Variants in ASS1 observed in about 807,000 individuals in gnomAD.
ASS1 encodes the protein argininosuccinate synthase.
A neutral mutation model predicts 60.5 loss-of-function variants in ASS1; 58 were observed. The observed-to-expected ratio is 0.96, with a 90% CI of 0.78 to 1.19. The LOEUF is 1.19. Among genes scored for constraint, ASS1 ranks in the 50% most tolerant of loss-of-function variants. The probability of loss-of-function intolerance (pLI) is 0.00; values close to 1 mark genes in which losing one functional copy is unlikely to be tolerated. For synonymous variants in ASS1, 200 were observed against 206.9 expected (o/e 0.97, Z 0.29); for missense variants, 454 against 547.3 (o/e 0.83, Z 1.70).
intron 8 of ASS1, among the ~76,000 whole-genome samples, chr9:130,473,688 C>G (rs1048208518): frequency 2.6e-5 from 4 of 152,218 alleles, no homozygotes; most frequent in Non-Finnish European, 5.9e-5. Context: ...GTGCCCCTCC[C>G]CCTCTCCAAA....
intron 5 of ASS1, among the ~76,000 whole-genome samples, chr9:130,465,049 TATA>T (rs550640669): frequency 0.011 from 1,147 of 105,790 alleles, 7 homozygotes; most frequent in Middle Eastern, 0.044. Flanking sequence ...TATATATATA[TATA>T]TATATTTTTT....
chr9:130,468,225 G>C (rs1333711483), intron 6 of ASS1, among the ~76,000 whole-genome samples: 1 of 152,166 alleles, frequency 6.6e-6, no homozygotes, highest in African/African-American at 2.4e-5. Flanking sequence ...ATCTGAGATG[G>C]ATGACACAAA....
chr9:130,454,952 C>A (rs1232041828), intron 3 of ASS1, among the ~76,000 whole-genome samples: 4 of 150,932 alleles, frequency 2.7e-5, no homozygotes, highest in African/African-American at 9.8e-5. Context: ...CATCCATCAT[C>A]CATCTATCCA....
intron 9 of ASS1, among the ~76,000 whole-genome samples, chr9:130,479,221 C>T (rs1212039107): frequency 1.3e-5 from 2 of 152,038 alleles, no homozygotes; most frequent in East Asian, 1.9e-4. Flanking sequence ...CAGATGGCTG[C>T]GTGTGGGTCT....
intron 1 of ASS1, among the ~76,000 whole-genome samples, chr9:130,445,979 C>T (rs1845184930): frequency 6.6e-6 from 1 of 152,218 alleles, no homozygotes; most frequent in Non-Finnish European, 1.5e-5. Flanking sequence ...GGCCTTGGCT[C>T]AGCCTCCAGA....
intron 5 of ASS1, among the ~76,000 whole-genome samples, chr9:130,465,319 G>A (rs1200277872): frequency 1.3e-5 from 2 of 152,026 alleles, no homozygotes; most frequent in African/African-American, 4.8e-5. Context: ...GCACCCGGCT[G>A]TAGTAGCCAT....
At position 130,454,383 on chromosome 9, in the gene ASS1, G is replaced by T; in HGVS notation, c.174+10G>T. 6.2e-7 allele frequency: 1 copy of T among 1,612,870 alleles called. No individual in the cohort carries two copies. Among genetic ancestry groups the T allele is most frequent in the Non-Finnish European group, 8.5e-7 (1 of 1,179,336 alleles). ...GCTTGGGGCCAAAAAGGTACCAGGC[G>T]GGAGGCAGGGATTTGGGCTGGGAGT... On this transcript the variant is annotated intron_variant, in intron 3 of 14. Transcript: ENST00000352480.
Position 130,466,759 on chromosome 9 carries a change from A to C in ASS1, c.455A>C (p.Asn152Thr). 6.2e-7 allele frequency: 1 copy of C among 1,614,040 alleles called. No individual in the cohort carries two copies. The highest frequency in any genetic ancestry group is 8.5e-7 in the Non-Finnish European group (1 of 1,180,014). ...CCCTGGAGGATGCCTGAATTCTACA[A>C]CCGGTTCAAGGGCCGCAATGACCTG... ...IAPWRMPEFY[N>T]RFKGRNDLME... Residue 152 changes from asparagine to threonine, a missense_variant, in exon 6 of 15, where the codon AAC becomes ACC. Transcript: ENST00000352480.
intron 3 of ASS1, among the ~76,000 whole-genome samples, chr9:130,455,687 C>A (rs1346276397): frequency 6.6e-6 from 1 of 152,240 alleles, no homozygotes; most frequent in East Asian, 1.9e-4. Flanking sequence ...CACATGTGCT[C>A]ACTCCCCATG....
intron 12 of ASS1, among the ~76,000 whole-genome samples, chr9:130,492,365 A>G (rs1846470268): frequency 6.6e-6 from 1 of 152,152 alleles, no homozygotes; most frequent in African/African-American, 2.4e-5. Context: ...TGGCTTCCTC[A>G]GAGCCCTTGT....
rs748255721 is a variant in ASS1, at chr9:130,492,008, C to G, written c.970+2544C>G. 5.3e-4 allele frequency among the ~76,000 whole-genome samples: 80 copies of G among 152,146 alleles called. 4 individuals carry two copies. The highest frequency in any genetic ancestry group is 2.5e-4 in the Non-Finnish European group (17 of 68,022). On this transcript the variant is annotated intron_variant, in intron 12 of 14. Coordinates refer to ENST00000352480, the MANE Select transcript of ASS1 (RefSeq NM_054012.4). The stretch of plus-strand genomic sequence containing the variant: ...GATCATGTTACTTAACTTCCCTAGG[C>G]CTCAGTTTTCCCATCTGAAGAGTGG...
Position 130,494,011 on chromosome 9 carries a change from C to G in ASS1, c.971-856C>G, listed in dbSNP as rs965790393. Reference sequence around the variant, plus strand: ...TGGGCCAACACAAGTCAAATGGAGGCTCCCCACTTCCGGCCTGTGTGATCC... The same window carrying G: ...TGGGCCAACACAAGTCAAATGGAGGGTCCCCACTTCCGGCCTGTGTGATCC... On this transcript the variant is annotated intron_variant, in intron 12 of 14. Coordinates refer to ENST00000352480, the MANE Select transcript of ASS1 (RefSeq NM_054012.4). This position sits in a 1 kb window ranked among gnomAD's most constrained non-coding sequence, Gnocchi z 4.3. Among the ~76,000 whole-genome samples, 6 of 152,190 alleles carry G rather than the reference C, an allele frequency of 3.9e-5. No homozygotes were observed. Among genetic ancestry groups the G allele is most frequent in the Non-Finnish European group, 5.9e-5 (4 of 68,030 alleles).
intron 7 of ASS1, 72 bp from the exon 8 acceptor site, chr9:130,471,411 GGT>G: frequency 1.3e-6 from 2 of 1,551,520 alleles, no homozygotes. Flanking sequence ...GGCACAATGG[GGT>G]GTGTGTGTTG....
In ASS1 at chr9:130,470,580, T is replaced by C. The variant is rs192804075; in HGVS notation, c.496-254T>C. ...CTCAGTGCTTCAGGGGTCCTTGAGA[T>C]GTAGACTCAAAGTCTTCTGGAAGGA... is the stretch of plus-strand genomic sequence containing the variant. On this transcript the variant is annotated intron_variant, in intron 6 of 14. Coordinates refer to ENST00000352480, the MANE Select transcript of ASS1 (RefSeq NM_054012.4). The surrounding 1 kb of genome is among the most constrained non-coding windows in gnomAD (Gnocchi z 4.3). 1.2e-3 allele frequency among the ~76,000 whole-genome samples: 182 copies of C among 152,290 alleles called. No homozygotes were observed. Among genetic ancestry groups the C allele is most frequent in the African/African-American group, 4.2e-3 (175 of 41,574 alleles).
chr9:130,482,602 G>A (rs150113786), intron 11 of ASS1, among the ~76,000 whole-genome samples: 2 of 152,218 alleles, frequency 1.3e-5, no homozygotes, highest in African/African-American at 4.8e-5. Flanking sequence ...AAGCAGAGTT[G>A]AGCAAAAATG....
Position 130,478,962 on chromosome 9 carries a change from G to C in ASS1, c.689-754G>C, listed in dbSNP as rs747946286. 5.3e-5 allele frequency among the ~76,000 whole-genome samples: 8 copies of C among 152,186 alleles called. No individual in the cohort carries two copies. Among genetic ancestry groups the C allele is most frequent in the Non-Finnish European group, 1.2e-4 (8 of 68,036 alleles). On this transcript the variant is annotated intron_variant, in intron 9 of 14. Coordinates refer to ENST00000352480, the MANE Select transcript of ASS1 (RefSeq NM_054012.4). This position sits in a 1 kb window ranked among gnomAD's most constrained non-coding sequence, Gnocchi z 4.7. ...GGTAATGAGCCGGGCAGATGGGTGG[G>C]GGATTAGCCGCCAACTTTGAACAGC...
At chr9:130,480,697 T>C (rs772554772) in intron 11 of ASS1, among the ~76,000 whole-genome samples, 12 of 152,032 alleles carry the variant, frequency 7.9e-5, no homozygotes, top group Non-Finnish European at 1.2e-4. Context: ...CAGGAGGGCC[T>C]GGGGAGTCTC....
chr9:130,445,288 C>T (rs1271577159), intron 1 of ASS1: 3 of 957,790 alleles, frequency 3.1e-6, no homozygotes, highest in Admixed American at 6.2e-5. Flanking sequence ...TATTTGTTCC[C>T]TGCGCAGCCG....
chr9:130,479,174 C>T (rs1026259417), intron 9 of ASS1, among the ~76,000 whole-genome samples: 1 of 152,006 alleles, frequency 6.6e-6, no homozygotes, highest in African/African-American at 2.4e-5. Flanking sequence ...GCCGACACCT[C>T]GCCTGCTGGA....
Sources: gnomAD v4.1 joint callset for allele counts (sites outside exome capture counted in the v4.1 genomes callset) on GRCh38, gnomAD v4.1.1 for gene constraint, Gnocchi (gnomAD v3.1) non-coding constraint, MANE v1.5 for transcripts, NCBI Gene and HGNC (gene_info 2026-07-23, HGNC 2026-07-21) for gene names.